FSD1L: variants seen among roughly 807,000 people sequenced by gnomAD.
FSD1L encodes the protein fibronectin type III and SPRY domain containing 1 like, also known as FSD1-like protein.
Under a neutral mutation model 71.6 loss-of-function variants are expected in FSD1L, and 45 were observed. That is an observed-to-expected ratio of 0.63 (90% confidence interval 0.49 to 0.81). The LOEUF is 0.81. FSD1L is among the 30% of genes least tolerant of loss of function. The pLI is 0.00. For missense variants in FSD1L, 561 were observed against 618.1 expected (o/e 0.91, Z 0.98); for synonymous variants, 197 against 207.2 (o/e 0.95, Z 0.42).
rs1001187242 is a variant in FSD1L at position 105,550,933 on chromosome 9, T to G, written c.*4450T>G. On this transcript the variant is annotated 3_prime_UTR_variant, in exon 14 of 14. Coordinates refer to ENST00000481272, the MANE Select transcript of FSD1L (RefSeq NM_001145313.3). ...GTAAGCTGGTCCATGGGAATGGACA[T>G]GAAGAGGATTTCACAGTATGTAGAG... The G allele has an allele frequency of 1.1e-4, 17 of 152,096 alleles. No individual in the cohort carries two copies. Among genetic ancestry groups the G allele is most frequent in the African/African-American group, 3.9e-4 (16 of 41,440 alleles). The allele number at this position is 152,096 out of a possible 1,614,324, so 9.4% of individuals were successfully genotyped here. A position where few individuals can be genotyped will look rare whatever the true frequency, so the allele number is the denominator to read the frequency against.
intron 12 of FSD1L, 62 bp from the exon 13 acceptor site, chr9:105,539,201 G>C (rs1836453037): frequency 1.3e-6 from 1 of 765,950 alleles, no homozygotes; most frequent in African/African-American, 1.8e-5. Flanking sequence ...TTATGCGTTA[G>C]AATTAATTAA....
intron 1 of FSD1L, among the ~76,000 whole-genome samples, chr9:105,451,255 G>A (rs919632477): frequency 6.6e-6 from 1 of 152,214 alleles, no homozygotes; most frequent in Admixed American, 6.5e-5. Flanking sequence ...CACCGCGCCC[G>A]GCCCGACATT....
intron 1 of FSD1L, among the ~76,000 whole-genome samples, chr9:105,459,557 A>G (rs1383259391): frequency 6.6e-6 from 1 of 152,232 alleles, no homozygotes; most frequent in Non-Finnish European, 1.5e-5. Context: ...CCTTTGTCTC[A>G]GTAGTCTGCC....
chr9:105,483,828 A>T (rs1437958280), intron 6 of FSD1L, among the ~76,000 whole-genome samples: 1 of 152,076 alleles, frequency 6.6e-6, no homozygotes, highest in African/African-American at 2.4e-5. Context: ...ATTGATAGTG[A>T]TTTCACTTCT....
At chr9:105,507,440 A>G (rs1287396467) in intron 8 of FSD1L, among the ~76,000 whole-genome samples, 2 of 152,234 alleles carry the variant, frequency 1.3e-5, no homozygotes, top group Non-Finnish European at 2.9e-5. Flanking sequence ...TATTACATAT[A>G]GTACATCTCA....
intron 7 of FSD1L, among the ~76,000 whole-genome samples, chr9:105,489,853 C>T (rs955820126): frequency 2.0e-4 from 30 of 152,300 alleles, no homozygotes; most frequent in Non-Finnish European, 3.7e-4. Flanking sequence ...TTTATGGCTG[C>T]GTAGTATTCC....
intron 3 of FSD1L, 69 bp downstream of exon 3, chr9:105,464,400 C>A: frequency 1.6e-6 from 1 of 643,342 alleles, no homozygotes; most frequent in Non-Finnish European, 2.6e-6. Flanking sequence ...TACAAATATA[C>A]TCTATGAATT....
At chr9:105,467,948 T>C (rs1831185215) in intron 3 of FSD1L, among the ~76,000 whole-genome samples, 1 of 152,174 alleles carries the variant, frequency 6.6e-6, no homozygotes, top group Non-Finnish European at 1.5e-5. Flanking sequence ...GAAGAGAGTA[T>C]GGGCTAGTCC....
At position 105,534,481 on chromosome 9, in the gene FSD1L, T is replaced by C; in HGVS notation, c.1026-12T>C. On this transcript the variant is annotated splice_polypyrimidine_tract_variant and intron_variant, in intron 10 of 13. Coordinates refer to ENST00000481272, the MANE Select transcript of FSD1L (RefSeq NM_001145313.3). ...AAATATTTGTTTTTCTTTTTTCTTT[T>C]TGTTTATATAGAAGTGGTACACCAT... 7 of 1,435,652 alleles carry C rather than the reference T, an allele frequency of 4.9e-6. No individual in the cohort carries two copies. Among genetic ancestry groups the C allele is most frequent in the Non-Finnish European group, 6.6e-6 (7 of 1,054,788 alleles). 88.9% of individuals were successfully genotyped at this position (1,435,652 alleles called of 1,614,324 possible). A position where few individuals can be genotyped will look rare whatever the true frequency, so the allele number is the denominator to read the frequency against.
At chr9:105,508,527 G>A (rs1250747845) in intron 8 of FSD1L, 90 bp from the exon 9 acceptor site, 2 of 727,136 alleles carry the variant, frequency 2.8e-6, no homozygotes, top group East Asian at 3.0e-5. Flanking sequence ...ACAGAGACAC[G>A]GTTCTTAATG....
chr9:105,465,655 T>C (rs985456017), intron 3 of FSD1L, among the ~76,000 whole-genome samples: 1 of 151,966 alleles, frequency 6.6e-6, no homozygotes, highest in East Asian at 1.9e-4. Flanking sequence ...CAAAAAAAAG[T>C]GTATGGTTAT....
chr9:105,515,181 C>A (rs1834633034), intron 10 of FSD1L, among the ~76,000 whole-genome samples: 1 of 152,186 alleles, frequency 6.6e-6, no homozygotes, highest in Non-Finnish European at 1.5e-5. Context: ...CCCCACCCTG[C>A]CTCATCAACG....
chr9:105,543,490 T>G (rs1285140451), intron 13 of FSD1L, among the ~76,000 whole-genome samples: 1 of 152,180 alleles, frequency 6.6e-6, no homozygotes, highest in Non-Finnish European at 1.5e-5. Flanking sequence ...ACGTGCAGGT[T>G]TGTTATATAT....
intron 4 of FSD1L, among the ~76,000 whole-genome samples, chr9:105,471,273 T>A (rs1272072365): frequency 6.6e-6 from 1 of 152,192 alleles, no homozygotes; most frequent in Non-Finnish European, 1.5e-5. Flanking sequence ...GTGCAACTGG[T>A]AATATTTTCC....
At chr9:105,502,724 T>A (rs554461819) in intron 7 of FSD1L, among the ~76,000 whole-genome samples, 4 of 152,222 alleles carry the variant, frequency 2.6e-5, no homozygotes, top group African/African-American at 9.6e-5. Flanking sequence ...TCTTTTGGGC[T>A]TTCAACAATG....
chr9:105,461,083 A>C (rs896775093), intron 1 of FSD1L, among the ~76,000 whole-genome samples: 1 of 152,272 alleles, frequency 6.6e-6, no homozygotes, highest in Non-Finnish European at 1.5e-5. Flanking sequence ...ACATAAGCAC[A>C]TAAAGAAATT....
At chr9:105,534,717 A>G (rs544682120) in intron 11 of FSD1L, 124 bp downstream of exon 11, 106 of 625,238 alleles carry the variant, frequency 1.7e-4, no homozygotes, top group Middle Eastern at 1.1e-3. Context: ...ATTTCTCCCA[A>G]TTGAAGCCTA....
At chr9:105,525,719 C>G in intron 10 of FSD1L, 1 of 1,604,340 alleles carries the variant, frequency 6.2e-7, no homozygotes, top group South Asian at 1.1e-5. Flanking sequence ...GACAAACACT[C>G]CATTCTCACC....
At chr9:105,454,883 C>T (rs1830269447) in intron 1 of FSD1L, among the ~76,000 whole-genome samples, 1 of 152,194 alleles carries the variant, frequency 6.6e-6, no homozygotes, top group African/African-American at 2.4e-5. Context: ...GTCTCAGTTA[C>T]ATCTGTGTAC....
Sources: gnomAD v4.1 joint callset for allele counts (sites outside exome capture counted in the v4.1 genomes callset) on GRCh38, gnomAD v4.1.1 for gene constraint, MANE v1.5 for transcripts, NCBI Gene and HGNC (gene_info 2026-07-23, HGNC 2026-07-21) for gene names.